NSMCE2: variants seen among roughly 807,000 people sequenced by gnomAD.
NSMCE2 encodes the protein NSE2 SUMO ligase component of SMC5/6 complex.
A neutral mutation model predicts 23.8 loss-of-function variants in NSMCE2; 24 were observed. The observed-to-expected ratio is 1.01, with a 90% CI of 0.73 to 1.42. The LOEUF is 1.42. Ranked by LOEUF, NSMCE2 falls within the 40% of genes most tolerant of loss-of-function variation. NSMCE2 has a pLI of 0.00. For synonymous variants in NSMCE2, 92 were observed against 94.1 expected (o/e 0.98, Z 0.13); for missense variants, 284 against 296.5 (o/e 0.96, Z 0.31).
chr8:125,190,511 G>A (rs1331527137), intron 5 of NSMCE2, among the ~76,000 whole-genome samples: 2 of 152,188 alleles, frequency 1.3e-5, no homozygotes, highest in African/African-American at 4.8e-5. Context: ...ACATTTTAAA[G>A]TAGATTTGGG....
intron 4 of NSMCE2, among the ~76,000 whole-genome samples, chr8:125,157,524 T>C (rs1821389436): frequency 6.6e-6 from 1 of 152,190 alleles, no homozygotes; most frequent in Non-Finnish European, 1.5e-5. Context: ...TTTCGGTGGT[T>C]TAGAACTCCC....
intron 5 of NSMCE2, among the ~76,000 whole-genome samples, chr8:125,272,794 TGTATATATATACACACAC>T (rs1403611402): frequency 2.9e-5 from 4 of 140,200 alleles, no homozygotes; most frequent in South Asian, 2.2e-4. Flanking sequence ...TATACACATG[TGTATATATATACACACAC>T]GTATATATAT....
intron 4 of NSMCE2, among the ~76,000 whole-genome samples, chr8:125,170,745 C>T (rs1378862183): frequency 3.9e-5 from 6 of 152,066 alleles, no homozygotes; most frequent in Non-Finnish European, 8.8e-5. Flanking sequence ...TATTTAGAGT[C>T]TAACCACCTC....
rs918071711 is a variant in NSMCE2 at position 125,236,665 on chromosome 8, CAAATT to C, written c.418+54415_418+54419del. On this transcript the variant is annotated intron_variant, in intron 5 of 7. Coordinates refer to ENST00000287437, the MANE Select transcript of NSMCE2 (RefSeq NM_173685.4). ...CTTAGACTTTTTGCTTTATACCACT[CAAATT>C]AAATTTTTAAACAATTGTCATCATT... is the stretch of plus-strand genomic sequence containing the variant. 1.5e-4 allele frequency among the ~76,000 whole-genome samples: 23 copies of C among 152,242 alleles called. No homozygotes were observed. The South Asian group carries it at 3.3e-3, about 22-fold the overall frequency.
intron 3 of NSMCE2, among the ~76,000 whole-genome samples, chr8:125,105,167 G>T (rs1393180927): frequency 6.6e-6 from 1 of 152,150 alleles, no homozygotes; most frequent in Admixed American, 6.5e-5. Context: ...ATTTTGTTTA[G>T]TTTTTCAGTC....
intron 3 of NSMCE2, 124 bp from the exon 4 acceptor site, chr8:125,151,047 A>G: frequency 2.2e-6 from 1 of 459,114 alleles, no homozygotes. Flanking sequence ...GGTTTTTTTA[A>G]AAAGATGTAA....
At chr8:125,133,462 G>T (rs932655960) in intron 3 of NSMCE2, among the ~76,000 whole-genome samples, 2 of 152,062 alleles carry the variant, frequency 1.3e-5, no homozygotes, top group Non-Finnish European at 2.9e-5. Context: ...AAATTCAGCC[G>T]GGTGTGGTGG....
intron 4 of NSMCE2, among the ~76,000 whole-genome samples, chr8:125,160,655 G>A (rs181024367): frequency 1.1e-4 from 17 of 152,288 alleles, no homozygotes; most frequent in Admixed American, 9.8e-4. Context: ...CCTTTAATAT[G>A]TGATCATTAA....
chr8:125,283,997 CA>C (rs1256634240), intron 5 of NSMCE2, among the ~76,000 whole-genome samples: 6 of 151,658 alleles, frequency 4.0e-5, no homozygotes, highest in Non-Finnish European at 7.4e-5. Flanking sequence ...ACTAAAAATA[CA>C]AAAAAATTAG....
intron 5 of NSMCE2, among the ~76,000 whole-genome samples, chr8:125,271,524 T>C (rs7011185): frequency 0.9 from 136,505 of 152,218 alleles, 61,329 homozygotes; most frequent in African/African-American, 0.95. Context: ...TTGGTTATCT[T>C]GGACATGAAG....
At chr8:125,125,323 C>T (rs1174617558) in intron 3 of NSMCE2, among the ~76,000 whole-genome samples, 1 of 152,186 alleles carries the variant, frequency 6.6e-6, no homozygotes, top group African/African-American at 2.4e-5. Flanking sequence ...CCTGCAGTGG[C>T]CTTCTAACGC....
intron 3 of NSMCE2, among the ~76,000 whole-genome samples, chr8:125,131,629 G>C (rs976300699): frequency 2.0e-5 from 3 of 152,166 alleles, no homozygotes; most frequent in African/African-American, 7.2e-5. Flanking sequence ...CTTGGAGATT[G>C]TAAGTACTTG....
At chr8:125,339,933 G>T (rs1267284220) in intron 5 of NSMCE2, among the ~76,000 whole-genome samples, 6 of 152,020 alleles carry the variant, frequency 3.9e-5, no homozygotes, top group Non-Finnish European at 8.8e-5. Context: ...TCCTGAATGA[G>T]GAAGAGAAAA....
rs1231810924 is a variant in NSMCE2, at chr8:125,316,769, T to TTCTC, written c.419-40440_419-40437dup. 2.1e-3 allele frequency among the ~76,000 whole-genome samples: 292 copies of TTCTC among 140,506 alleles called. 6 individuals carry two copies. Among genetic ancestry groups the TTCTC allele is most frequent in the African/African-American group, 7.5e-3 (276 of 36,804 alleles). 92.2% of individuals were successfully genotyped at this position (140,506 alleles called of 152,430 possible). ...CTTCCTTCCTTCCTTCCTTCCTTCC[T>TTCTC]TCTCTCTCTCTCTTTCTTTCTTTCT... On this transcript the variant is annotated intron_variant, in intron 5 of 7. Transcript: ENST00000287437.
chr8:125,125,737 CA>C (rs1819486944), intron 3 of NSMCE2, among the ~76,000 whole-genome samples: 1 of 152,184 alleles, frequency 6.6e-6, no homozygotes, highest in South Asian at 2.1e-4. Context: ...CACAGTGTGG[CA>C]GGATGTTGGC....
At chr8:125,260,542 G>C (rs538785770) in intron 5 of NSMCE2, among the ~76,000 whole-genome samples, 1 of 148,848 alleles carries the variant, frequency 6.7e-6, no homozygotes, top group South Asian at 2.2e-4. Context: ...CCTTCTCGGG[G>C]CCTGAGTTTC....
At chr8:125,347,093 A>G (rs1812797129) in intron 5 of NSMCE2, among the ~76,000 whole-genome samples, 1 of 152,196 alleles carries the variant, frequency 6.6e-6, no homozygotes, top group African/African-American at 2.4e-5. Flanking sequence ...TTTGCCAGGA[A>G]CCATGCTAAG....
intron 4 of NSMCE2, among the ~76,000 whole-genome samples, chr8:125,156,512 A>T (rs1379162424): frequency 6.6e-6 from 1 of 152,138 alleles, no homozygotes. Flanking sequence ...AAGCCTGGTG[A>T]GGGAGAATAT....
At chr8:125,321,598 A>G (rs1179457818) in intron 5 of NSMCE2, among the ~76,000 whole-genome samples, 8 of 152,252 alleles carry the variant, frequency 5.3e-5, no homozygotes, top group African/African-American at 1.4e-4. Flanking sequence ...AAAGAAAATT[A>G]CAAATTAATA....
Sources: allele counts gnomAD v4.1 joint callset (sites outside exome capture counted in the v4.1 genomes callset), GRCh38; gene constraint gnomAD v4.1.1; transcripts MANE v1.5; gene names NCBI Gene and HGNC (gene_info 2026-07-23, HGNC 2026-07-21).